Variants in PUDP observed in about 807,000 individuals in gnomAD.
The protein encoded by PUDP is pseudouridine-5'-phosphatase.
A neutral mutation model predicts 9.4 loss-of-function variants in PUDP; 8 were observed. That is an observed-to-expected ratio of 0.85 (90% confidence interval 0.50 to 1.53). The LOEUF (loss-of-function observed/expected upper bound fraction) is 1.53, where lower values mean the gene tolerates loss of function less well. PUDP is among the 40% of genes most tolerant of loss of function. PUDP has a pLI of 0.00. For missense variants in PUDP, 188 were observed against 189.7 expected, an observed-to-expected ratio of 0.99 and a Z score of 0.05; for synonymous variants, 99 against 80.7, an observed-to-expected ratio of 1.23 and a Z score of -1.22.
At chrX:6,745,463 G>A (rs779970198) in intron 3 of PUDP, among the ~76,000 whole-genome samples, 19 of 112,127 alleles carry the variant, frequency 1.7e-4, no homozygotes, top group African/African-American at 6.2e-4. Flanking sequence ...TCAAGAGAAA[G>A]CTTGGAGTAA....
chrX:6,987,271 G>A (rs760821799), intron 1 of PUDP, among the ~76,000 whole-genome samples: 81 of 111,986 alleles, frequency 7.2e-4, no homozygotes, highest in Non-Finnish European at 1.4e-3. Flanking sequence ...AAATATCTGT[G>A]CCCTAAGAAT....
At chrX:6,718,960 C>T (rs781122357) in intron 1 of PUDP, among the ~76,000 whole-genome samples, 77 of 110,652 alleles carry the variant, frequency 7.0e-4, no homozygotes, top group Middle Eastern at 4.6e-3. Context: ...TGAATTCTGC[C>T]AACAACTTGC....
At chrX:6,717,673 G>T (rs928721064) in intron 1 of PUDP, among the ~76,000 whole-genome samples, 6 of 111,821 alleles carry the variant, frequency 5.4e-5, no homozygotes, top group African/African-American at 1.9e-4. Flanking sequence ...TGTCAGTAAG[G>T]TTCCAAATTA....
intron 3 of PUDP, among the ~76,000 whole-genome samples, chrX:6,849,258 C>A (rs952159712): frequency 4.5e-5 from 5 of 112,332 alleles, no homozygotes; most frequent in Non-Finnish European, 9.4e-5. Flanking sequence ...GTCATGCGAG[C>A]AAGTGTCTCA....
intron 1 of PUDP, among the ~76,000 whole-genome samples, chrX:7,041,299 C>G: frequency 9.0e-6 from 1 of 111,502 alleles, no homozygotes; most frequent in South Asian, 3.8e-4. Flanking sequence ...ACAAACATCT[C>G]TTCTGCTGAG....
intron 3 of PUDP, among the ~76,000 whole-genome samples, chrX:7,075,441 G>C (rs1930865627): frequency 9.0e-6 from 1 of 111,596 alleles, no homozygotes; most frequent in Admixed American, 9.5e-5. Context: ...GGAGGTGGAG[G>C]TTGCAGTGAG....
At chrX:6,825,397 T>A (rs1467510244) in intron 3 of PUDP, among the ~76,000 whole-genome samples, 1 of 111,390 alleles carries the variant, frequency 9.0e-6, no homozygotes, top group East Asian at 2.8e-4. Flanking sequence ...CGTGGTCTGA[T>A]CACACTGAGC....
At chrX:6,967,905 A>G (rs1168299080) in intron 3 of PUDP, among the ~76,000 whole-genome samples, 1 of 112,108 alleles carries the variant, frequency 8.9e-6, no homozygotes, top group African/African-American at 3.2e-5. Context: ...AGAGGGTCCC[A>G]CCTCACACCC....
intron 2 of PUDP, among the ~76,000 whole-genome samples, chrX:7,083,991 G>A (rs1389542955): frequency 8.9e-6 from 1 of 112,019 alleles, no homozygotes; most frequent in Non-Finnish European, 1.9e-5. Context: ...GAAACTGCCT[G>A]ATTGATATTG....
chrX:6,803,060 T>TAAAAAATAAAATAAA (rs1474219936), intron 3 of PUDP, among the ~76,000 whole-genome samples: 1 of 7,924 alleles, frequency 1.3e-4, no homozygotes, highest in East Asian at 0.017. Flanking sequence ...TAAAATAAAA[T>TAAAAAATAAAATAAA]ATAAAATAAA....
chrX:6,952,459 A>G (rs986491044), intron 3 of PUDP, among the ~76,000 whole-genome samples: 2 of 111,957 alleles, frequency 1.8e-5, no homozygotes, highest in Admixed American at 1.9e-4. Flanking sequence ...AGTTTTTCCA[A>G]TAATGATCTT....
At chrX:6,782,940 C>T (rs1925588555) in intron 3 of PUDP, among the ~76,000 whole-genome samples, 2 of 111,413 alleles carry the variant, frequency 1.8e-5, no homozygotes, top group South Asian at 7.7e-4. Flanking sequence ...AACAGATTGG[C>T]CTAAGGTCTT....
intron 3 of PUDP, among the ~76,000 whole-genome samples, chrX:6,908,089 G>T (rs914149409): frequency 5.3e-5 from 6 of 112,213 alleles, no homozygotes; most frequent in Admixed American, 3.8e-4. Context: ...CTAAATCAGG[G>T]CCACCCAGTA....
At chrX:6,812,136 C>G (rs1482149316) in intron 3 of PUDP, among the ~76,000 whole-genome samples, 1 of 112,181 alleles carries the variant, frequency 8.9e-6, no homozygotes, top group Non-Finnish European at 1.9e-5. Context: ...ATTTGCATCT[C>G]CAGGTGAGTA....
chrX:6,770,552 T>G (rs775509587), intron 3 of PUDP, among the ~76,000 whole-genome samples: 4 of 111,420 alleles, frequency 3.6e-5, no homozygotes, highest in Non-Finnish European at 7.5e-5. Context: ...TGCCTGGGTA[T>G]CTACAGAAAG....
chrX:6,824,033 T>C (rs186753345), intron 3 of PUDP, among the ~76,000 whole-genome samples: 1 of 111,775 alleles, frequency 8.9e-6, no homozygotes, highest in African/African-American at 3.2e-5. Flanking sequence ...ACCTGTGATA[T>C]AGTTTGGCTG....
chrX:6,779,312 TG>T (rs1172257242), intron 3 of PUDP, among the ~76,000 whole-genome samples: 2 of 111,860 alleles, frequency 1.8e-5, no homozygotes. Flanking sequence ...AGACCTGTGC[TG>T]TGCCGAGGGT....
At chrX:7,035,776 A>AG (rs1478224835) in intron 1 of PUDP, among the ~76,000 whole-genome samples, 2 of 111,763 alleles carry the variant, frequency 1.8e-5, no homozygotes, top group African/African-American at 6.5e-5. Context: ...TCTTTCCCTG[A>AG]GGACTGTTAA....
At chrX:7,064,764 C>T (rs1930500704) in intron 3 of PUDP, among the ~76,000 whole-genome samples, 1 of 111,923 alleles carries the variant, frequency 8.9e-6, no homozygotes, top group African/African-American at 3.3e-5. Context: ...TCAAATAATA[C>T]TCTGGATGAG....
Sources: gnomAD v4.1 joint callset for allele counts (sites outside exome capture counted in the v4.1 genomes callset) on GRCh38, gnomAD v4.1.1 for gene constraint, MANE v1.5 for transcripts, NCBI Gene and HGNC (gene_info 2026-07-23, HGNC 2026-07-21) for gene names.